The following NTRK2 variants were observed in gnomAD, a reference collection of about 807,000 sequenced individuals.
The protein encoded by NTRK2 is BDNF/NT-3 growth factors receptor.
In NTRK2, 13 loss-of-function variants were observed where a neutral mutation model predicts 94.5. The observed-to-expected ratio is 0.14, with a 90% CI of 0.09 to 0.22. The LOEUF is 0.22. Among genes scored for constraint, NTRK2 ranks in the 10% least tolerant of loss-of-function variants. The pLI is 1.00. For synonymous variants in NTRK2, 372 were observed against 407.4 expected, an observed-to-expected ratio of 0.91 and a Z score of 1.05; for missense variants, 639 against 1,071.2, an observed-to-expected ratio of 0.60 and a Z score of 5.63.
chr9:84,898,194 A>T (rs1359490198), intron 14 of NTRK2, among the ~76,000 whole-genome samples: 1 of 152,162 alleles, frequency 6.6e-6, no homozygotes, highest in African/African-American at 2.4e-5. Flanking sequence ...GCCTAGCAAC[A>T]TCTGACTTCT....
Position 84,745,059 on chromosome 9 carries a change from C to G in NTRK2, c.1282C>G (p.Arg428Gly). The G allele has an allele frequency of 1.9e-6, 3 of 1,613,072 alleles. No individual in the cohort carries two copies. The highest frequency in any genetic ancestry group is 1.6e-4 in the Middle Eastern group (1 of 6,062). Residue 428 changes from arginine (R) to glycine (G), a missense_variant, in exon 11 of 19, where the codon CGG (arginine) becomes GGG (glycine). Physicochemically the swap from Arg to Gly is moderately radical, Grantham distance 125. Transcript: ENST00000277120. ...CACAGACGTCACTGATAAAACCGGT[C>G]GGGAACATCTCTCGGTGAGTGGAAT... ...PSTDVTDKTG[R>G]EHLSVYAVVV...
chr9:84,943,145 A>G (rs1456190649), intron 15 of NTRK2, among the ~76,000 whole-genome samples: 2 of 152,218 alleles, frequency 1.3e-5, no homozygotes, highest in Non-Finnish European at 2.9e-5. Context: ...GAAGAAGAAT[A>G]TAAGATCAGT....
At chr9:84,910,119 G>A (rs1444849406) in intron 14 of NTRK2, among the ~76,000 whole-genome samples, 1 of 152,132 alleles carries the variant, frequency 6.6e-6, no homozygotes, top group Non-Finnish European at 1.5e-5. Flanking sequence ...TATACACAAT[G>A]TGAGACTTAG....
chr9:84,692,710 G>C lies in NTRK2; in HGVS notation c.213-9449G>C, dbSNP rs372781344. On this transcript the variant is annotated intron_variant, in intron 2 of 18. Transcript: ENST00000277120. ...TCGAACTCCTGACCTCGGGTGATCTGCCCACCTTGGCCCCCCAAAGTGCTG... is the reference window on the plus strand; with the variant it reads ...TCGAACTCCTGACCTCGGGTGATCTCCCCACCTTGGCCCCCCAAAGTGCTG... Among the ~76,000 whole-genome samples, 88 of 151,992 alleles carry C rather than the reference G, an allele frequency of 5.8e-4. 3 individuals carry two copies. In the South Asian group the frequency reaches 0.017, roughly 29 times the overall value.
intron 12 of NTRK2, among the ~76,000 whole-genome samples, chr9:84,833,092 TTGGTGGTGGTGG>T (rs925823939): frequency 8.0e-6 from 1 of 125,142 alleles, no homozygotes; most frequent in Non-Finnish European, 1.6e-5. Context: ...TTGGGCCTCA[TTGGTGGTGGTGG>T]TGGTGGTGGT....
At chr9:84,887,258 T>G (rs2076445602) in intron 14 of NTRK2, among the ~76,000 whole-genome samples, 1 of 152,242 alleles carries the variant, frequency 6.6e-6, no homozygotes, top group Non-Finnish European at 1.5e-5. Flanking sequence ...TAACCAAGTA[T>G]GAATGTGTTG....
At chr9:84,675,583 G>T (rs1244324210) in intron 2 of NTRK2, among the ~76,000 whole-genome samples, 1 of 151,968 alleles carries the variant, frequency 6.6e-6, no homozygotes, top group Admixed American at 6.6e-5. Flanking sequence ...TCTGATGCCT[G>T]TAATCAATAG....
chr9:84,692,066 T>A (rs568915639), intron 2 of NTRK2, among the ~76,000 whole-genome samples: 61 of 152,306 alleles, frequency 4.0e-4, no homozygotes, highest in Non-Finnish European at 7.5e-4. Flanking sequence ...TTCAGTGTCA[T>A]TTTTGTCCTG....
chr9:84,949,780 G>T (rs1427516197), intron 16 of NTRK2, among the ~76,000 whole-genome samples: 1 of 152,170 alleles, frequency 6.6e-6, no homozygotes, highest in African/African-American at 2.4e-5. Flanking sequence ...TTGGGTTTTA[G>T]TTCAGCTGTG....
At chr9:84,870,331 G>GTGTGTGCATATATATATATATA (rs1349303529) in intron 14 of NTRK2, among the ~76,000 whole-genome samples, 1 of 31,176 alleles carries the variant, frequency 3.2e-5, no homozygotes, top group African/African-American at 8.8e-5. Flanking sequence ...GTGTGTGTGT[G>GTGTGTGCATATATATATATATA]TATATATATA....
chr9:84,828,866 AT>A (rs2073351609), intron 12 of NTRK2, among the ~76,000 whole-genome samples: 1 of 152,216 alleles, frequency 6.6e-6, no homozygotes, highest in South Asian at 2.1e-4. Context: ...ACTGTGTCAA[AT>A]GGAATGCTAC....
chr9:84,723,547 C>T, intron 6 of NTRK2, 26 bp from the exon 7 acceptor site: 1 of 1,613,618 alleles, frequency 6.2e-7, no homozygotes. Flanking sequence ...TTGCATATGC[C>T]TCTGTTTACT....
At chr9:84,905,566 A>G (rs2077049990) in intron 14 of NTRK2, among the ~76,000 whole-genome samples, 1 of 152,226 alleles carries the variant, frequency 6.6e-6, no homozygotes, top group African/African-American at 2.4e-5. Context: ...TGAATTTTAA[A>G]AGTACATTAC....
At chr9:84,730,762 T>TAAAA (rs2062809225) in intron 9 of NTRK2, among the ~76,000 whole-genome samples, 10 of 6,606 alleles carry the variant, frequency 1.5e-3, no homozygotes, top group Non-Finnish European at 1.8e-3. Flanking sequence ...AAAAAAAAAC[T>TAAAA]AAAGAAAAAT....
intron 8 of NTRK2, among the ~76,000 whole-genome samples, chr9:84,726,143 C>T (rs1363704046): frequency 6.6e-6 from 1 of 152,152 alleles, no homozygotes; most frequent in African/African-American, 2.4e-5. Context: ...GAAAAATTGA[C>T]CTTATCTGTC....
intron 14 of NTRK2, among the ~76,000 whole-genome samples, chr9:84,917,109 T>A (rs1311540081): frequency 6.6e-6 from 1 of 152,184 alleles, no homozygotes; most frequent in African/African-American, 2.4e-5. Context: ...TGTTTGGCTT[T>A]GGTTGGTTTT....
chr9:84,796,227 C>T (rs1026340912), intron 12 of NTRK2, among the ~76,000 whole-genome samples: 1 of 152,160 alleles, frequency 6.6e-6, no homozygotes, highest in Non-Finnish European at 1.5e-5. Context: ...CTGCTATCCT[C>T]AGCATCTAGG....
At chr9:84,926,061 C>G (rs912790260) in intron 14 of NTRK2, among the ~76,000 whole-genome samples, 10 of 151,986 alleles carry the variant, frequency 6.6e-5, no homozygotes, top group African/African-American at 2.4e-4. Context: ...TCAAAGCCCT[C>G]CATAATCCAG....
chr9:84,860,989 G>A (rs765052953), intron 12 of NTRK2, 51 bp from the exon 13 acceptor site: 23 of 1,511,720 alleles, frequency 1.5e-5, no homozygotes, highest in East Asian at 2.3e-5. Context: ...GACCACCTCC[G>A]GTTTCTACTT....
Sources: allele counts gnomAD v4.1 joint callset (sites outside exome capture counted in the v4.1 genomes callset), GRCh38; gene constraint gnomAD v4.1.1; transcripts MANE v1.5; gene names NCBI Gene and HGNC (gene_info 2026-07-23, HGNC 2026-07-21).